Variants in KCND2 observed in about 807,000 individuals in gnomAD.
The protein encoded by KCND2 is potassium voltage-gated channel subfamily D member 2, also known as A-type voltage-gated potassium channel KCND2.
Under a neutral mutation model 54.4 loss-of-function variants are expected in KCND2, and 16 were observed. That is an observed-to-expected ratio of 0.29 (90% CI 0.20 to 0.45). The LOEUF (loss-of-function observed/expected upper bound fraction) is 0.45, where lower values mean the gene tolerates loss of function less well. KCND2 is among the 20% of genes least tolerant of loss of function. KCND2 has a pLI of 1.00. For missense variants in KCND2, 486 were observed against 824.2 expected, an observed-to-expected ratio of 0.59 and a Z score of 5.02; for synonymous variants, 317 against 310.7, an observed-to-expected ratio of 1.02 and a Z score of -0.21.
chr7:120,420,340 C>T (rs188281157), intron 1 of KCND2, among the ~76,000 whole-genome samples: 6 of 152,298 alleles, frequency 3.9e-5, no homozygotes, highest in Non-Finnish European at 2.9e-5. Flanking sequence ...AAAAGACCCA[C>T]TACCAGTGGT....
At chr7:120,404,840 T>C (rs927161485) in intron 1 of KCND2, among the ~76,000 whole-genome samples, 1 of 152,106 alleles carries the variant, frequency 6.6e-6, no homozygotes, top group African/African-American at 2.4e-5. Context: ...TCACAAATAT[T>C]GATGGAGCAA....
intron 1 of KCND2, among the ~76,000 whole-genome samples, chr7:120,703,942 T>G (rs1792434276): frequency 6.6e-6 from 1 of 152,220 alleles, no homozygotes; most frequent in Non-Finnish European, 1.5e-5. Flanking sequence ...TCTGTTCATT[T>G]TAGGAAGTCA....
intron 1 of KCND2, among the ~76,000 whole-genome samples, chr7:120,482,939 C>A (rs1189142799): frequency 5.3e-5 from 8 of 152,034 alleles, no homozygotes; most frequent in African/African-American, 1.9e-4. Context: ...CTACTATTGA[C>A]CCTGACTACT....
intron 1 of KCND2, among the ~76,000 whole-genome samples, chr7:120,599,132 A>T (rs1220037241): frequency 4.6e-5 from 7 of 152,156 alleles, no homozygotes; most frequent in African/African-American, 1.4e-4. Flanking sequence ...TCAGTTACAC[A>T]GATATATATG....
At chr7:120,309,472 T>TACACAC (rs1491288641) in intron 1 of KCND2, among the ~76,000 whole-genome samples, 8 of 122,594 alleles carry the variant, frequency 6.5e-5, no homozygotes, top group African/African-American at 2.4e-4. Context: ...TATATATATA[T>TACACAC]ATACACACAC....
At chr7:120,665,568 G>T (rs1371351117) in intron 1 of KCND2, among the ~76,000 whole-genome samples, 1 of 151,968 alleles carries the variant, frequency 6.6e-6, no homozygotes, top group Non-Finnish European at 1.5e-5. Context: ...TGAAGGCAGG[G>T]TGTTGTGTAT....
intron 1 of KCND2, among the ~76,000 whole-genome samples, chr7:120,694,497 C>T (rs949462171): frequency 3.9e-5 from 6 of 152,132 alleles, no homozygotes; most frequent in East Asian, 1.9e-4. Context: ...TCTTCCTATG[C>T]GAGCCTGGCC....
Position 120,385,915 on chromosome 7 carries a change from A to G in KCND2, c.1115+110168A>G, listed in dbSNP as rs1003328411. Among the ~76,000 whole-genome samples, 3 of 152,254 alleles carry G rather than the reference A, an allele frequency of 2.0e-5. No individual in the cohort carries two copies. The South Asian group carries it at 6.2e-4, about 32-fold the overall frequency. ...CAGCCCATAGTTATTTTCAGGCTCA[A>G]CTGGAAATGAGTGCAGTGATCACCT... On this transcript the variant is annotated intron_variant, in intron 1 of 5. Transcript: ENST00000331113.
In KCND2 at chr7:120,429,656, GA is replaced by G. The variant is rs1801763449; in HGVS notation, c.1115+153910del. Among the ~76,000 whole-genome samples the G allele has an allele frequency of 8.5e-5, 13 of 152,292 alleles. No homozygotes were observed. In the South Asian group the frequency reaches 2.7e-3, roughly 32 times the overall value. On this transcript the variant is annotated intron_variant, in intron 1 of 5. Coordinates refer to ENST00000331113, the MANE Select transcript of KCND2 (RefSeq NM_012281.3). ...GAACTAGTGAGTGACAAACTATGGTGATTTAGATTTGGGTATTTGACAGACA... is the reference window on the plus strand; with the variant it reads ...GAACTAGTGAGTGACAAACTATGGTGTTTAGATTTGGGTATTTGACAGACA...
chr7:120,421,142 T>C (rs1484854947), intron 1 of KCND2, among the ~76,000 whole-genome samples: 2 of 152,220 alleles, frequency 1.3e-5, no homozygotes, highest in African/African-American at 4.8e-5. Flanking sequence ...TCATAGCATA[T>C]GCAAGTCAAG....
At position 120,369,603 on chromosome 7, in the gene KCND2, A is replaced by C. The variant is rs1165149934; in HGVS notation, c.1115+93856A>C. Among the ~76,000 whole-genome samples the C allele has an allele frequency of 2.6e-5, 4 of 152,178 alleles. No homozygotes were observed. In the East Asian group the frequency reaches 7.7e-4, roughly 29 times the overall value. On this transcript the variant is annotated intron_variant, in intron 1 of 5. Coordinates refer to ENST00000331113, the MANE Select transcript of KCND2 (RefSeq NM_012281.3). ...GCATGAATATGAAATCCCTCATTTTATCTGTGTACTTCATCATTTGGGCTT... is the reference window on the plus strand; with the variant it reads ...GCATGAATATGAAATCCCTCATTTTCTCTGTGTACTTCATCATTTGGGCTT...
At chr7:120,589,092 C>T (rs1792638254) in intron 1 of KCND2, among the ~76,000 whole-genome samples, 1 of 152,126 alleles carries the variant, frequency 6.6e-6, no homozygotes, top group African/African-American at 2.4e-5. Flanking sequence ...AAATTTGGAG[C>T]TAACACACGT....
chr7:120,420,476 C>T lies in KCND2; in HGVS notation c.1115+144729C>T, dbSNP rs114460140. On this transcript the variant is annotated intron_variant, in intron 1 of 5. Transcript: ENST00000331113. ...AAAAAGAAAGAGCTTGGTGATGGTG[C>T]GTGTTGAAAGAGCAGTTTTCTGGGT... Among the ~76,000 whole-genome samples, 931 of 152,182 alleles carry T rather than the reference C, an allele frequency of 6.1e-3. 8 individuals are homozygous for T. The highest frequency in any genetic ancestry group is 0.021 in the African/African-American group (874 of 41,508).
chr7:120,469,399 T>A (rs1052695783), intron 1 of KCND2, among the ~76,000 whole-genome samples: 8 of 152,138 alleles, frequency 5.3e-5, no homozygotes, highest in South Asian at 4.1e-4. Flanking sequence ...ATTTTAAACA[T>A]CTTTAGTAGA....
intron 1 of KCND2, among the ~76,000 whole-genome samples, chr7:120,578,298 T>A (rs1367293472): frequency 6.6e-6 from 1 of 151,430 alleles, no homozygotes; most frequent in Non-Finnish European, 1.5e-5. Context: ...AAGAAAAAAA[T>A]AATAATAATA....
intron 1 of KCND2, among the ~76,000 whole-genome samples, chr7:120,708,717 T>A (rs1792500701): frequency 6.6e-6 from 1 of 152,086 alleles, no homozygotes; most frequent in Admixed American, 6.6e-5. Context: ...TATAGCTGAA[T>A]TAAAATATTT....
intron 1 of KCND2, among the ~76,000 whole-genome samples, chr7:120,590,505 G>C (rs1584843429): frequency 6.6e-6 from 1 of 152,230 alleles, no homozygotes; most frequent in East Asian, 1.9e-4. Flanking sequence ...GGGAATTCTG[G>C]ATGTAAGGGA....
At chr7:120,434,570 A>G (rs563205279) in intron 1 of KCND2, among the ~76,000 whole-genome samples, 12 of 152,324 alleles carry the variant, frequency 7.9e-5, no homozygotes, top group African/African-American at 2.9e-4. Context: ...TCCTCCCTCT[A>G]TACTAATTTT....
At chr7:120,475,565 C>T (rs530318305) in intron 1 of KCND2, among the ~76,000 whole-genome samples, 1 of 152,278 alleles carries the variant, frequency 6.6e-6, no homozygotes, top group East Asian at 1.9e-4. Flanking sequence ...TAGTAGGTCT[C>T]TGTTTTACAG....
Sources: allele counts gnomAD v4.1 joint callset (sites outside exome capture counted in the v4.1 genomes callset), GRCh38; gene constraint gnomAD v4.1.1; transcripts MANE v1.5; gene names NCBI Gene and HGNC (gene_info 2026-07-23, HGNC 2026-07-21).